PPP2R2B: variants seen among roughly 807,000 people sequenced by gnomAD.
PPP2R2B encodes protein phosphatase 2 regulatory subunit Bbeta.
Under a neutral mutation model 46.0 loss-of-function variants are expected in PPP2R2B, and 5 were observed. The ratio of observed to expected loss-of-function variants is 0.11; its 90% CI spans 0.06 to 0.23. The LOEUF is 0.23. Among genes scored for constraint, PPP2R2B ranks in the 10% least tolerant of loss-of-function variants. PPP2R2B has a pLI of 1.00. For synonymous variants in PPP2R2B, 215 were observed against 206.7 expected (o/e 1.04, Z -0.34); for missense variants, 367 against 575.0 (o/e 0.64, Z 3.70).
At chr5:146,991,650 T>C (rs1169312937) in intron 1 of PPP2R2B, among the ~76,000 whole-genome samples, 1 of 151,982 alleles carries the variant, frequency 6.6e-6, no homozygotes, top group East Asian at 1.9e-4. Flanking sequence ...ACTCAATTAT[T>C]ATACCATATA....
chr5:146,956,195 C>CA (rs1441170694), intron 1 of PPP2R2B, among the ~76,000 whole-genome samples: 1 of 151,148 alleles, frequency 6.6e-6, no homozygotes, highest in Non-Finnish European at 1.5e-5. Flanking sequence ...AAATTAAGTG[C>CA]AAAAAACCCC....
At chr5:147,072,063 A>C (rs563386946) in intron 2 of PPP2R2B, among the ~76,000 whole-genome samples, 41 of 152,298 alleles carry the variant, frequency 2.7e-4, no homozygotes, top group Non-Finnish European at 5.1e-4. Context: ...GCAGTAAAAA[A>C]ATTTCTGGTG....
chr5:146,812,559 GTATATATATATA>G (rs756797458), intron 2 of PPP2R2B, among the ~76,000 whole-genome samples: 1 of 1,834 alleles, frequency 5.5e-4, no homozygotes, highest in Non-Finnish European at 1.0e-3. Context: ...CCTCAGAAGA[GTATATATATATA>G]TATATATATA....
intron 1 of PPP2R2B, among the ~76,000 whole-genome samples, chr5:147,031,604 C>G (rs1034199067): frequency 6.6e-6 from 1 of 152,060 alleles, no homozygotes; most frequent in Non-Finnish European, 1.5e-5. Flanking sequence ...CTCATTACCT[C>G]TCTGTCATAC....
At chr5:146,608,597 C>T (rs1190192357) in intron 7 of PPP2R2B, among the ~76,000 whole-genome samples, 2 of 152,136 alleles carry the variant, frequency 1.3e-5, no homozygotes, top group Non-Finnish European at 2.9e-5. Context: ...GAGCTCGAGA[C>T]CAACCTGGCC....
intron 2 of PPP2R2B, among the ~76,000 whole-genome samples, chr5:146,803,225 T>C (rs1473558491): frequency 1.3e-5 from 2 of 152,168 alleles, no homozygotes; most frequent in African/African-American, 4.8e-5. Flanking sequence ...CCCAGGCAAT[T>C]TGTAATGCAA....
intron 2 of PPP2R2B, among the ~76,000 whole-genome samples, chr5:146,762,065 T>TAA (rs1754198864): frequency 6.6e-6 from 1 of 152,178 alleles, no homozygotes; most frequent in Non-Finnish European, 1.5e-5. Flanking sequence ...CAGTATTTCT[T>TAA]AAACAGCTCT....
At chr5:146,926,122 C>A (rs551019946) in intron 1 of PPP2R2B, among the ~76,000 whole-genome samples, 1 of 152,006 alleles carries the variant, frequency 6.6e-6, no homozygotes, top group East Asian at 1.9e-4. Flanking sequence ...TTTTTGTCCA[C>A]GAATATTTGG....
At chr5:146,720,275 G>GA (rs1780721772) in intron 2 of PPP2R2B, among the ~76,000 whole-genome samples, 1 of 152,198 alleles carries the variant, frequency 6.6e-6, no homozygotes, top group Admixed American at 6.5e-5. Flanking sequence ...AGTGTGGAAT[G>GA]AAAAAACAGT....
intron 2 of PPP2R2B, among the ~76,000 whole-genome samples, chr5:146,759,004 T>A (rs1441773778): frequency 1.3e-5 from 2 of 152,182 alleles, no homozygotes; most frequent in Non-Finnish European, 2.9e-5. Flanking sequence ...AGCCATCTGC[T>A]CTTTTATCTA....
intron 2 of PPP2R2B, among the ~76,000 whole-genome samples, chr5:147,061,539 T>G (rs1196758535): frequency 6.6e-6 from 1 of 152,330 alleles, no homozygotes; most frequent in African/African-American, 2.4e-5. Flanking sequence ...ACACAGGGTA[T>G]GTTGTCTTTC....
chr5:146,842,882 T>G (rs757508985), intron 2 of PPP2R2B, among the ~76,000 whole-genome samples: 8 of 152,252 alleles, frequency 5.3e-5, no homozygotes, highest in Non-Finnish European at 8.8e-5. Flanking sequence ...ATGCAGTTTT[T>G]TTTCTGTTCT....
intron 1 of PPP2R2B, among the ~76,000 whole-genome samples, chr5:146,945,136 A>T (rs897522998): frequency 1.3e-5 from 2 of 152,196 alleles, no homozygotes; most frequent in African/African-American, 4.8e-5. Context: ...ACTCCTGATG[A>T]ATACCTGCTT....
chr5:146,881,729 TTGAC>T (rs1401125141), upstream of PPP2R2B, among the ~76,000 whole-genome samples: 1 of 152,232 alleles, frequency 6.6e-6, no homozygotes, highest in African/African-American at 2.4e-5. Context: ...ATCTTTTCTA[TTGAC>T]TAACTGTCAC....
At chr5:146,803,835 G>A (rs1243459937) in intron 2 of PPP2R2B, among the ~76,000 whole-genome samples, 8 of 152,256 alleles carry the variant, frequency 5.3e-5, no homozygotes, top group South Asian at 4.2e-4. Context: ...AACAGTGCTT[G>A]CTTCATGTAG....
At chr5:146,855,690 T>C (rs1301802414) in intron 2 of PPP2R2B, among the ~76,000 whole-genome samples, 2 of 152,182 alleles carry the variant, frequency 1.3e-5, no homozygotes, top group Non-Finnish European at 2.9e-5. Context: ...TGTTACAAAC[T>C]CCACCTCTAA....
At chr5:146,724,880 TGA>T in intron 2 of PPP2R2B, among the ~76,000 whole-genome samples, 1 of 152,258 alleles carries the variant, frequency 6.6e-6, no homozygotes, top group South Asian at 2.1e-4. Flanking sequence ...TTAAAACTTT[TGA>T]CCTTAAGAGG....
chr5:146,996,695 GAT>G (rs1210173968), intron 1 of PPP2R2B, among the ~76,000 whole-genome samples: 6 of 152,162 alleles, frequency 3.9e-5, no homozygotes, highest in Non-Finnish European at 8.8e-5. Flanking sequence ...AGAAACTACT[GAT>G]AAGTCACTAT....
At chr5:146,861,375 T>G (rs1031086788) in intron 2 of PPP2R2B, among the ~76,000 whole-genome samples, 1 of 151,592 alleles carries the variant, frequency 6.6e-6, no homozygotes, top group African/African-American at 2.4e-5. Context: ...ATATTTTTAG[T>G]AGAGGTGGGG....
Sources: gnomAD v4.1 joint callset for allele counts (sites outside exome capture counted in the v4.1 genomes callset) on GRCh38, gnomAD v4.1.1 for gene constraint, MANE v1.5 for transcripts, NCBI Gene and HGNC (gene_info 2026-07-23, HGNC 2026-07-21) for gene names.